The following ABCF2 variants were observed in gnomAD, a reference collection of about 807,000 sequenced individuals.
ABCF2 encodes the protein ATP-binding cassette sub-family F member 2.
Under a neutral mutation model 76.9 loss-of-function variants are expected in ABCF2, and 37 were observed. The observed-to-expected ratio is 0.48, with a 90% CI of 0.37 to 0.63. The LOEUF (loss-of-function observed/expected upper bound fraction) is 0.63, where lower values mean the gene tolerates loss of function less well. Among genes scored for constraint, ABCF2 ranks in the 30% least tolerant of loss-of-function variants. The probability of loss-of-function intolerance (pLI) is 0.00; values close to 1 mark genes in which losing one functional copy is unlikely to be tolerated. For synonymous variants in ABCF2, 299 were observed against 283.7 expected (o/e 1.05, Z -0.54); for missense variants, 524 against 782.1 (o/e 0.67, Z 3.94).
chr7:151,219,930 C>T (rs1380630288), intron 7 of ABCF2, among the ~76,000 whole-genome samples: 1 of 152,066 alleles, frequency 6.6e-6, no homozygotes, highest in East Asian at 1.9e-4. Flanking sequence ...GAAACCCCGT[C>T]TCTACTAAAA....
rs1563608910 is a variant in ABCF2 at position 151,215,721 on chromosome 7, C to T, written c.1413G>A (p.Glu471=). ...KIGRYHQHLQ[E]QLDLDLSPLE... is the part of the protein sequence containing the mutation. The stretch of plus-strand genomic sequence containing the variant: ...AAGGTGAGAGATCTAAGTCCAGCTG[C>T]TCTTGTAAATGCTACAGGAAAAATG... The change falls in exon 13 of 15, where the codon GAG becomes GAA. Residue 471 remains glutamate (E), a synonymous_variant. Coordinates refer to ENST00000287844, the MANE Select transcript of ABCF2 (RefSeq NM_007189.3). The surrounding 1 kb of genome is among the most constrained non-coding windows in gnomAD (Gnocchi z 4.6). 4 of 1,614,214 alleles carry T rather than the reference C, an allele frequency of 2.5e-6. No homozygotes were observed. Among genetic ancestry groups the T allele is most frequent in the Non-Finnish European group, 3.4e-6 (4 of 1,180,038 alleles).
At chr7:151,219,247 T>TGGCACTAACTTGGCCCTGGCTCTAA in intron 7 of ABCF2, 88 bp from the exon 8 acceptor site, 1 of 1,145,958 alleles carries the variant, frequency 8.7e-7, no homozygotes, top group South Asian at 1.2e-5. Flanking sequence ...GGATGAGGGA[T>TGGCACTAACTTGGCCCTGGCTCTAA]GGCACTAACT....
At chr7:151,220,621 C>T (rs975443987) in intron 7 of ABCF2, among the ~76,000 whole-genome samples, 80 of 152,116 alleles carry the variant, frequency 5.3e-4, no homozygotes, top group African/African-American at 2.4e-5. Flanking sequence ...TCCTGACCCC[C>T]ATTCTCCTGT....
rs370361417 is a variant in ABCF2 at position 151,218,805 on chromosome 7, C to T, written c.1086G>A (p.Thr362=). 12 of 1,613,552 alleles carry T rather than the reference C, an allele frequency of 7.4e-6. No homozygotes were observed. The Admixed American group carries it at 1.0e-4, about 13-fold the overall frequency. Residue 362 remains threonine (T), a synonymous_variant, in exon 9 of 15, where the codon ACG becomes ACA. Coordinates refer to ENST00000287844, the MANE Select transcript of ABCF2 (RefSeq NM_007189.3). ...GTCCTGATGCCATCATTTTCTGTAG[C>T]GTCTTCTCCTTGCTCTGGGCCTGCC... ...LARQAQSKEK[T]LQKMMASGLT...
rs754020026 is a variant in ABCF2 at position 151,219,178 on chromosome 7, G to C, written c.922-19C>G. ...AATTACCCTGCATGGAAATGTGCCA[G>C]GTAAGGCAGGCAGCTTTAACCTGGG... On this transcript the variant is annotated intron_variant, in intron 7 of 14. Coordinates refer to ENST00000287844, the MANE Select transcript of ABCF2 (RefSeq NM_007189.3). The C allele has an allele frequency of 3.0e-5, 48 of 1,608,612 alleles. No homozygotes were observed. Among genetic ancestry groups the C allele is most frequent in the Non-Finnish European group, 3.8e-5 (45 of 1,175,260 alleles).
At position 151,224,881 on chromosome 7, in the gene ABCF2, T is replaced by G. The variant is rs777345888; in HGVS notation, c.262A>C (p.Ile88Leu). The change falls in exon 3 of 15, where the codon ATC (isoleucine) becomes CTC (leucine). Residue 88 changes from isoleucine (I) to leucine (L), a missense_variant. This residue lies in a region of ABCF2 where 330 missense variants were observed against 433.6 expected (regional missense o/e 0.76). Coordinates refer to ENST00000287844, the MANE Select transcript of ABCF2 (RefSeq NM_007189.3). ...TGAAAGGTAAGTGAGAGGTTGATGA[T>G]GTGAACATCAGTACTGTTGGGGTGA... Reference protein sequence around the residue: ...ASHPNSTDVHIINLSLTFHGQ... With the variant: ...ASHPNSTDVHLINLSLTFHGQ... 7.4e-6 allele frequency: 12 copies of G among 1,614,178 alleles called. No individual in the cohort carries two copies. Among genetic ancestry groups the G allele is most frequent in the Non-Finnish European group, 1.0e-5 (12 of 1,179,996 alleles).
Position 151,216,475 on chromosome 7 carries a change from T to C in ABCF2, c.1339-446A>G, listed in dbSNP as rs180772689. On this transcript the variant is annotated intron_variant, in intron 11 of 14. Transcript: ENST00000287844. The stretch of plus-strand genomic sequence containing the variant: ...CTGATATAAACAAGAATTAGGTTCC[T>C]GCAGCATTTTTGGTCACAAAAAAAG... Among the ~76,000 whole-genome samples, 47 of 152,362 alleles carry C rather than the reference T, an allele frequency of 3.1e-4. No individual in the cohort carries two copies. The East Asian group carries it at 8.9e-3, about 29-fold the overall frequency.
In ABCF2 at chr7:151,215,028, A is replaced by G; in HGVS notation, c.1585T>C (p.Trp529Arg). ...DGQKCRVCLA[W>R]LAWQNPHMLF... ...ATGTGGGGGTTCTGCCAGGCCAGCC[A>G]GGCCAGACACACTCGGCACTTCTGC... is the stretch of plus-strand genomic sequence containing the variant. Residue 529 changes from tryptophan to arginine, a missense_variant, in exon 14 of 15, where the codon TGG becomes CGG. Trp to Arg is a moderately radical substitution (Grantham distance 101). Transcript: ENST00000287844. The surrounding 1 kb of genome is among the most constrained non-coding windows in gnomAD (Gnocchi z 4.6). 6.2e-7 allele frequency: 1 copy of G among 1,614,210 alleles called. No homozygotes were observed. Among genetic ancestry groups the G allele is most frequent in the Non-Finnish European group, 8.5e-7 (1 of 1,180,028 alleles).
rs750683361 is a variant in ABCF2, at chr7:151,219,033, G to C, written c.1017+31C>G. On this transcript the variant is annotated intron_variant, in intron 8 of 14. Transcript: ENST00000287844. ...AGCCCCCTGCTTCTTTCAGACAGGAGGCCATGAGCCTGACTCTGCAGTCTC... is the reference window on the plus strand; with the variant it reads ...AGCCCCCTGCTTCTTTCAGACAGGACGCCATGAGCCTGACTCTGCAGTCTC... 2.0e-6 allele frequency: 3 copies of C among 1,478,096 alleles called. No homozygotes were observed. In the South Asian group the frequency reaches 3.4e-5, roughly 17 times the overall value. The allele number at this position is 1,478,096 out of a possible 1,614,324, so 91.6% of individuals were successfully genotyped here. A position where few individuals can be genotyped will look rare whatever the true frequency, so the allele number is the denominator to read the frequency against.
intron 11 of ABCF2, among the ~76,000 whole-genome samples, chr7:151,217,630 C>A (rs962041593): frequency 1.3e-5 from 2 of 152,004 alleles, no homozygotes; most frequent in Non-Finnish European, 2.9e-5. Flanking sequence ...GAAACCCCAT[C>A]TCTACTAAAA....
chr7:151,219,085 T>G lies in ABCF2; in HGVS notation c.996A>C (p.Gln332His). ...ENQMKRFHWEQDQIAHMKNYI... is the reference protein window; with the variant it reads ...ENQMKRFHWEHDQIAHMKNYI... ...CTACCTTCATGTGTGCAATCTGATC[T>G]TGCTCCCAGTGAAACCTCTTCATCT... The change falls in exon 8 of 15, where the codon CAA (glutamine) becomes CAC (histidine). Residue 332 changes from glutamine (Q) to histidine (H), a missense_variant. Gln to His is a conservative substitution (Grantham distance 24, BLOSUM62 0). This residue lies in a region of ABCF2 where 330 missense variants were observed against 433.6 expected (regional missense o/e 0.76). Coordinates refer to ENST00000287844, the MANE Select transcript of ABCF2 (RefSeq NM_007189.3). 1 of 1,614,112 alleles carries G rather than the reference T, an allele frequency of 6.2e-7. No individual in the cohort carries two copies. Among genetic ancestry groups the G allele is most frequent in the Non-Finnish European group, 8.5e-7 (1 of 1,180,014 alleles).
At chr7:151,226,254 C>T (rs771245615) in intron 2 of ABCF2, 51 bp downstream of exon 2, 2 of 1,571,990 alleles carry the variant, frequency 1.3e-6, no homozygotes, top group Non-Finnish European at 1.7e-6. Context: ...CTGGCTGGGG[C>T]ATGCATTAAG....
Position 151,214,859 on chromosome 7 carries a change from C to T in ABCF2, c.1734+20G>A, listed in dbSNP as rs775063958. On this transcript the variant is annotated intron_variant, in intron 14 of 14. Coordinates refer to ENST00000287844, the MANE Select transcript of ABCF2 (RefSeq NM_007189.3). This position sits in a 1 kb window ranked among gnomAD's most constrained non-coding sequence, Gnocchi z 4.9. ...CCCCTAGAAGCTCTGCTGTGCCTCA[C>T]CCCCTGGCCAGGGCCTCACCTGCTG... The T allele has an allele frequency of 2.5e-6, 4 of 1,613,130 alleles. No homozygotes were observed. The highest frequency in any genetic ancestry group is 3.4e-6 in the Non-Finnish European group (4 of 1,179,190).
chr7:151,217,192 AACAAG>A (rs1802168380), intron 11 of ABCF2, among the ~76,000 whole-genome samples: 2 of 152,214 alleles, frequency 1.3e-5, no homozygotes, highest in East Asian at 3.8e-4. Flanking sequence ...CAACCCAGGG[AACAAG>A]ACAAGAACCA....
Position 151,218,211 on chromosome 7 carries a change from G to A in ABCF2, c.1228-20C>T. On this transcript the variant is annotated intron_variant, in intron 10 of 14. Coordinates refer to ENST00000287844, the MANE Select transcript of ABCF2 (RefSeq NM_007189.3). ...GCAAGGCTGAGGTGGGGATGAGAGAGATGTGGACACAAGGCTAGAATACAG... is the reference window on the plus strand; with the variant it reads ...GCAAGGCTGAGGTGGGGATGAGAGAAATGTGGACACAAGGCTAGAATACAG... 1 of 1,526,482 alleles carries A rather than the reference G, an allele frequency of 6.6e-7. No individual in the cohort carries two copies. Among genetic ancestry groups the A allele is most frequent in the Non-Finnish European group, 9.1e-7 (1 of 1,100,448 alleles). 94.6% of individuals were successfully genotyped at this position (1,526,482 alleles called of 1,614,324 possible).
In ABCF2 at chr7:151,211,676, G is replaced by C; in HGVS notation, c.*2378C>G. On this transcript the variant is annotated 3_prime_UTR_variant, in exon 15 of 15. Transcript: ENST00000287844. ...TTAGCAATATCCAGCACTTCCTTAA[G>C]TATCAAGGGCTCTGTCCCTCACTGT... 1 of 985,350 alleles carries C rather than the reference G, an allele frequency of 1.0e-6. No individual in the cohort carries two copies. 61.0% of individuals were successfully genotyped at this position (985,350 alleles called of 1,614,324 possible).
chr7:151,218,975 C>T lies in ABCF2; in HGVS notation c.1017+89G>A. The T allele has an allele frequency of 5.0e-6, 8 of 1,609,978 alleles. No individual in the cohort carries two copies. In the South Asian group the frequency reaches 8.8e-5, roughly 18 times the overall value. On this transcript the variant is annotated intron_variant, in intron 8 of 14. Coordinates refer to ENST00000287844, the MANE Select transcript of ABCF2 (RefSeq NM_007189.3). ...ATCGTAACTTCTTCCCGACATCCTC[C>T]ATCACTACCGCTTCTCGAAATGCCC...
chr7:151,220,119 C>T (rs1030751380), intron 7 of ABCF2, among the ~76,000 whole-genome samples: 9 of 151,760 alleles, frequency 5.9e-5, no homozygotes, highest in South Asian at 4.2e-4. Flanking sequence ...AGGCCGGGTG[C>T]GGTGGCTCAC....
At chr7:151,221,390 C>T (rs1257875913) in intron 7 of ABCF2, among the ~76,000 whole-genome samples, 188 bp downstream of exon 7, 2 of 151,926 alleles carry the variant, frequency 1.3e-5, no homozygotes, top group African/African-American at 2.4e-5. Flanking sequence ...TTAGTAGAGA[C>T]AGGGTTTCAC....
Sources: allele counts gnomAD v4.1 joint callset (sites outside exome capture counted in the v4.1 genomes callset), GRCh38; gene constraint gnomAD v4.1.1; regional missense constraint gnomAD v4.1.1; non-coding constraint Gnocchi (gnomAD v3.1); transcripts MANE v1.5; gene names NCBI Gene and HGNC (gene_info 2026-07-23, HGNC 2026-07-21).